The following HIVEP1 variants were observed in gnomAD, a reference collection of about 807,000 sequenced individuals.
HIVEP1 encodes HIVEP zinc finger 1, also known as zinc finger protein 40.
In HIVEP1, 36 loss-of-function variants were observed where a neutral mutation model predicts 180.0. That is an observed-to-expected ratio of 0.20 (90% CI 0.15 to 0.26). The LOEUF is 0.26. HIVEP1 is among the 10% of genes least tolerant of loss of function. The pLI is 1.00. For synonymous variants in HIVEP1, 1,239 were observed against 1,239.0 expected (o/e 1.00, Z 0.00); for missense variants, 3,143 against 3,268.7 (o/e 0.96, Z 0.94).
intron 2 of HIVEP1, among the ~76,000 whole-genome samples, chr6:12,033,624 G>A (rs1264570220): frequency 6.6e-6 from 1 of 152,052 alleles, no homozygotes; most frequent in Non-Finnish European, 1.5e-5. Context: ...GACACAACTG[G>A]ACTCCAGTAT....
At chr6:12,200,328 G>A in the HIVEP1 span, among the ~76,000 whole-genome samples, 2 of 152,184 alleles carry the variant, frequency 1.3e-5, no homozygotes, top group South Asian at 4.1e-4. Flanking sequence ...AATTAAAATT[G>A]CGCATAAATA....
intron 3 of HIVEP1, among the ~76,000 whole-genome samples, chr6:12,112,172 A>C (rs1482867226): frequency 1.3e-5 from 2 of 152,124 alleles, no homozygotes; most frequent in African/African-American, 4.8e-5. Context: ...TTATTTCTCA[A>C]TATGAAATTC....
At chr6:12,166,257 C>T (rs1057220197), downstream of HIVEP1, among the ~76,000 whole-genome samples, 1 of 152,126 alleles carries the variant, frequency 6.6e-6, no homozygotes, top group Admixed American at 6.5e-5. Flanking sequence ...TAATTAAGTA[C>T]AGATGACTTC....
chr6:12,113,522 A>G (rs979601269), intron 3 of HIVEP1, among the ~76,000 whole-genome samples: 3 of 152,094 alleles, frequency 2.0e-5, no homozygotes, highest in Non-Finnish European at 2.9e-5. Context: ...TCTTTTGGCC[A>G]TGTTAAGATG....
chr6:12,161,797 G>A lies in HIVEP1; in HGVS notation c.6846G>A (p.Ala2282=), dbSNP rs751840686. Residue 2282 remains alanine, a synonymous_variant, in exon 8 of 9, where the codon GCG becomes GCA. Coordinates refer to ENST00000379388, the MANE Select transcript of HIVEP1 (RefSeq NM_002114.4). ...LSPGKARQRA[A]RDENDTIPSV... ...CGGGGAAGGCCAGGCAGCGTGCTGC[G>A]AGAGATGAAAACGACACAATTCCGT... The A allele has an allele frequency of 1.2e-5, 20 of 1,614,056 alleles. No homozygotes were observed. The highest frequency in any genetic ancestry group is 1.6e-4 in the Middle Eastern group (1 of 6,084).
chr6:12,064,930 T>C (rs754433913), intron 2 of HIVEP1, among the ~76,000 whole-genome samples: 2 of 152,302 alleles, frequency 1.3e-5, no homozygotes, highest in Non-Finnish European at 2.9e-5. Context: ...AATCCAGCCA[T>C]ATTGAGCATA....
At chr6:12,040,544 A>T (rs1380551050) in intron 2 of HIVEP1, among the ~76,000 whole-genome samples, 1 of 152,188 alleles carries the variant, frequency 6.6e-6, no homozygotes, top group African/African-American at 2.4e-5. Context: ...ACAGTAATAT[A>T]TTCAATATAT....
At chr6:12,065,339 T>C (rs1452691039) in intron 2 of HIVEP1, among the ~76,000 whole-genome samples, 1 of 152,146 alleles carries the variant, frequency 6.6e-6, no homozygotes, top group Non-Finnish European at 1.5e-5. Flanking sequence ...CACACATACA[T>C]TTAACACAAG....
chr6:12,041,957 C>T (rs1769763445), intron 2 of HIVEP1, among the ~76,000 whole-genome samples: 1 of 151,596 alleles, frequency 6.6e-6, no homozygotes, highest in Admixed American at 6.6e-5. Context: ...CCGTGCCTGG[C>T]CAGTTTTGTT....
In HIVEP1 at chr6:12,074,416, A is replaced by G. The variant is rs748405833; in HGVS notation, c.41-14768A>G. Among the ~76,000 whole-genome samples the G allele has an allele frequency of 4.6e-5, 7 of 152,350 alleles. No homozygotes were observed. In the South Asian group the frequency reaches 8.3e-4, roughly 18 times the overall value. ...GTGTACTAGTAAGAGCTATATTACTATATTATTTGGGGAGAAATTTAACAA... is the reference window on the plus strand; with the variant it reads ...GTGTACTAGTAAGAGCTATATTACTGTATTATTTGGGGAGAAATTTAACAA... On this transcript the variant is annotated intron_variant, in intron 2 of 8. Transcript: ENST00000379388.
At chr6:12,035,180 C>G (rs1038329471) in intron 2 of HIVEP1, among the ~76,000 whole-genome samples, 3 of 152,156 alleles carry the variant, frequency 2.0e-5, no homozygotes, top group African/African-American at 7.2e-5. Context: ...GAAAGCTGTT[C>G]AGTATATTCC....
At chr6:12,165,434 A>T (rs1760677086), downstream of HIVEP1, among the ~76,000 whole-genome samples, 1 of 152,126 alleles carries the variant, frequency 6.6e-6, no homozygotes, top group African/African-American at 2.4e-5. Flanking sequence ...CTTTCCCTTG[A>T]TGCTGTTAAA....
rs755228907 is a variant in HIVEP1, at chr6:12,161,606, A to G, written c.6655A>G (p.Arg2219Gly). Residue 2219 changes from arginine (R) to glycine (G), a missense_variant, in exon 8 of 9, where the codon AGA (arginine) becomes GGA (glycine). Arg to Gly is a moderately radical substitution (Grantham distance 125). Coordinates refer to ENST00000379388, the MANE Select transcript of HIVEP1 (RefSeq NM_002114.4). ...AGCTAGCCCGCAGCACCTTCCATCT[A>G]GAAGTAGCCTTCAGGACCCTGTGAG... ...VTASPQHLPS[R>G]SSLQDPVSTD... The G allele has an allele frequency of 1.4e-5, 23 of 1,613,984 alleles. No individual in the cohort carries two copies. The highest frequency in any genetic ancestry group is 1.8e-5 in the Non-Finnish European group (21 of 1,180,006).
chr6:12,149,384 A>G (rs1448618324), intron 7 of HIVEP1, among the ~76,000 whole-genome samples: 2 of 152,168 alleles, frequency 1.3e-5, no homozygotes, highest in Non-Finnish European at 2.9e-5. Context: ...TATAGGACAC[A>G]TTTGGGGGCT....
At chr6:12,104,632 A>G (rs1005880643) in intron 3 of HIVEP1, among the ~76,000 whole-genome samples, 10 of 151,736 alleles carry the variant, frequency 6.6e-5, no homozygotes, top group African/African-American at 2.4e-4. Flanking sequence ...AAGTCTTGCT[A>G]TATTCTTCAG....
At chr6:12,104,343 GT>G (rs1774282090) in intron 3 of HIVEP1, among the ~76,000 whole-genome samples, 1 of 142,708 alleles carries the variant, frequency 7.0e-6, no homozygotes, top group Non-Finnish European at 1.5e-5. Context: ...TTTATTCTGT[GT>G]TGTTTTCATC....
intron 2 of HIVEP1, among the ~76,000 whole-genome samples, chr6:12,067,333 G>A (rs1771663907): frequency 6.6e-6 from 1 of 151,954 alleles, no homozygotes; most frequent in Non-Finnish European, 1.5e-5. Context: ...ATTAATAATT[G>A]GAATGTTACA....
chr6:12,016,001 A>C (rs1395556952), intron 2 of HIVEP1, among the ~76,000 whole-genome samples: 2 of 149,114 alleles, frequency 1.3e-5, no homozygotes, highest in Non-Finnish European at 3.0e-5. Flanking sequence ...TTCTTTGCCA[A>C]CTGGATCATT....
At chr6:12,058,730 C>G (rs1214172277) in intron 2 of HIVEP1, among the ~76,000 whole-genome samples, 1 of 152,152 alleles carries the variant, frequency 6.6e-6, no homozygotes, top group South Asian at 2.1e-4. Context: ...CAGCTCCGTA[C>G]TGGTGATGGT....
Sources: gnomAD v4.1 joint callset for allele counts (sites outside exome capture counted in the v4.1 genomes callset) on GRCh38, gnomAD v4.1.1 for gene constraint, MANE v1.5 for transcripts, NCBI Gene and HGNC (gene_info 2026-07-23, HGNC 2026-07-21) for gene names.